MX2: variants seen among roughly 807,000 people sequenced by gnomAD.
The protein encoded by MX2 is interferon-induced GTP-binding protein Mx2.
Under a neutral mutation model 74.0 loss-of-function variants are expected in MX2, and 51 were observed. The observed-to-expected ratio is 0.69, with a 90% CI of 0.55 to 0.87. The LOEUF (loss-of-function observed/expected upper bound fraction) is 0.87. Among genes scored for constraint, MX2 ranks in the 40% least tolerant of loss-of-function variants. The probability of loss-of-function intolerance (pLI) is 0.00; values close to 1 mark genes in which losing one functional copy is unlikely to be tolerated. For synonymous variants in MX2, 369 were observed against 339.3 expected, an observed-to-expected ratio of 1.09 and a Z score of -0.96; for missense variants, 832 against 908.7, an observed-to-expected ratio of 0.92 and a Z score of 1.09.
intron 3 of MX2, among the ~76,000 whole-genome samples, chr21:41,379,023 C>T (rs2145887951): frequency 6.6e-6 from 1 of 152,346 alleles, no homozygotes; most frequent in South Asian, 2.1e-4. Flanking sequence ...CAGCCCCCTG[C>T]AACAACCGCA....
rs10222059 is a variant in MX2, at chr21:41,377,169, A to G, written c.249+14A>G. ...CCAAGGGCAATGGTAAGCCCGGTGG[A>G]GGGACGTTCAGAAAGGGTGCATTCT... is the stretch of plus-strand genomic sequence containing the variant. On this transcript the variant is annotated intron_variant, in intron 2 of 13. Coordinates refer to ENST00000330714, the MANE Select transcript of MX2 (RefSeq NM_002463.2). 30 of 1,613,006 alleles carry G rather than the reference A, an allele frequency of 1.9e-5. No individual in the cohort carries two copies. The highest frequency in any genetic ancestry group is 2.5e-5 in the Non-Finnish European group (30 of 1,179,248).
At chr21:41,383,266 G>T (rs2089523032) in intron 5 of MX2, among the ~76,000 whole-genome samples, 1 of 152,184 alleles carries the variant, frequency 6.6e-6, no homozygotes, top group South Asian at 2.1e-4. Context: ...AGGCTGAGGT[G>T]CTAGGACCAC....
Position 41,377,007 on chromosome 21 carries a change from C to A in MX2, c.101C>A (p.Pro34Gln). The change falls in exon 2 of 14, where the codon CCG becomes CAG. Residue 34 changes from proline to glutamine, a missense_variant. Physicochemically the swap from Pro to Gln is moderately conservative, Grantham distance 76. Transcript: ENST00000330714. ...KEMNSFQQQP[P>Q]PFGTVPPQMM... ...ATGAATTCCTTCCAGCAACAGCCAC[C>A]GCCATTCGGCACAGTGCCACCACAA... 6.2e-7 allele frequency: 1 copy of A among 1,614,202 alleles called. No homozygotes were observed. Among genetic ancestry groups the A allele is most frequent in the Non-Finnish European group, 8.5e-7 (1 of 1,180,040 alleles).
chr21:41,375,178 A>G (rs993157084), intron 1 of MX2, among the ~76,000 whole-genome samples: 3 of 151,814 alleles, frequency 2.0e-5, no homozygotes, highest in African/African-American at 4.8e-5. Flanking sequence ...CAAGCCCACC[A>G]CCTGTCTTTC....
intron 12 of MX2, among the ~76,000 whole-genome samples, chr21:41,405,617 A>C (rs2089874785): frequency 6.6e-6 from 1 of 151,936 alleles, no homozygotes; most frequent in African/African-American, 2.4e-5. Flanking sequence ...TCAACATGTA[A>C]ATTGGGGGGC....
Position 41,395,895 on chromosome 21 carries a change from A to T in MX2, c.1070+110A>T. ...GTATGCACAAATTACACAAGGTAGT[A>T]TAACCTAGCCTCACCTGATTTTTGT... On this transcript the variant is annotated intron_variant, in intron 7 of 13. Transcript: ENST00000330714. The T allele has an allele frequency of 2.8e-6, 3 of 1,066,092 alleles. No homozygotes were observed. The East Asian group carries it at 7.7e-5, about 27-fold the overall frequency. 66.0% of individuals were successfully genotyped at this position (1,066,092 alleles called of 1,614,324 possible). A position where few individuals can be genotyped will look rare whatever the true frequency, so the allele number is the denominator to read the frequency against.
intron 10 of MX2, chr21:41,401,674 T>C (rs949159498): frequency 6.5e-5 from 13 of 199,258 alleles, no homozygotes; most frequent in Admixed American, 4.6e-4. Context: ...CCACACCTAG[T>C]TTCTAATCAG....
At chr21:41,369,840 C>G (rs2089300230) in intron 1 of MX2, among the ~76,000 whole-genome samples, 1 of 151,706 alleles carries the variant, frequency 6.6e-6, no homozygotes, top group Admixed American at 6.6e-5. Context: ...CCCCCCGCCC[C>G]CGCCCCCGCT....
In MX2 at chr21:41,368,159, C is replaced by G. The variant is rs1021652097; in HGVS notation, c.-72+6104C>G. Among the ~76,000 whole-genome samples the G allele has an allele frequency of 1.3e-5, 2 of 152,216 alleles. No individual in the cohort carries two copies. The highest frequency in any genetic ancestry group is 4.8e-5 in the African/African-American group (2 of 41,446). On this transcript the variant is annotated intron_variant, in intron 1 of 13. Coordinates refer to ENST00000330714, the MANE Select transcript of MX2 (RefSeq NM_002463.2). This position sits in a 1 kb window ranked among gnomAD's most constrained non-coding sequence, Gnocchi z 4.6. ...GGCTCCTGAAAGCAGAGGCCTGCAC[C>G]CCTAAGCCTCTTAAGCCCCCCACTT...
At chr21:41,406,706 A>T (rs903527783) in intron 12 of MX2, 38 bp from the exon 13 acceptor site, 1 of 1,586,174 alleles carries the variant, frequency 6.3e-7, no homozygotes, top group Non-Finnish European at 8.6e-7. Flanking sequence ...AGGAAAGAAG[A>T]AAAAGAAGTA....
Position 41,376,940 on chromosome 21 carries a change from A to G in MX2, c.34A>G (p.Arg12Gly), listed in dbSNP as rs751152408. The change falls in exon 2 of 14, where the codon AGG becomes GGG. Residue 12 changes from arginine (R) to glycine (G), a missense_variant. Coordinates refer to ENST00000330714, the MANE Select transcript of MX2 (RefSeq NM_002463.2). ...GGCCCACAAGCCTTGGCCCTACCGG[A>G]GGAGAAGTCAATTTTCTTCTCGAAA... ...SKAHKPWPYR[R>G]RSQFSSRKYL... 3 of 1,613,870 alleles carry G rather than the reference A, an allele frequency of 1.9e-6. No homozygotes were observed. In the East Asian group the frequency reaches 6.7e-5, roughly 36 times the overall value.
chr21:41,390,082 TG>T, intron 5 of MX2: 1 of 154,696 alleles, frequency 6.5e-6, no homozygotes, highest in Admixed American at 6.3e-5. Context: ...TCCCTGCCTC[TG>T]GGGAACTGTG....
chr21:41,379,352 C>T (rs2089457181), intron 3 of MX2, among the ~76,000 whole-genome samples: 1 of 152,196 alleles, frequency 6.6e-6, no homozygotes, highest in African/African-American at 2.4e-5. Flanking sequence ...ACGGCAGGAG[C>T]GTGAGGGCCC....
In MX2 at chr21:41,363,607, G is replaced by C. The variant is rs530386728; in HGVS notation, c.-72+1552G>C. On this transcript the variant is annotated intron_variant, in intron 1 of 13. Coordinates refer to ENST00000330714, the MANE Select transcript of MX2 (RefSeq NM_002463.2). The surrounding 1 kb of genome is among the most constrained non-coding windows in gnomAD (Gnocchi z 4.2). ...AGATAAGGTCGCATTCAGTGCCAGTGCTTGGTCAGCCATGACCCTGCACCA... is the reference window on the plus strand; with the variant it reads ...AGATAAGGTCGCATTCAGTGCCAGTCCTTGGTCAGCCATGACCCTGCACCA... The C allele has an allele frequency of 1.3e-3, 209 of 154,946 alleles. No individual in the cohort carries two copies. Among genetic ancestry groups the C allele is most frequent in the African/African-American group, 4.8e-3 (200 of 41,656 alleles). The allele number at this position is 154,946 out of a possible 1,614,324, so 9.6% of individuals were successfully genotyped here.
intron 7 of MX2, 22 bp downstream of exon 7, chr21:41,395,807 C>G: frequency 6.2e-7 from 1 of 1,612,360 alleles, no homozygotes; most frequent in Non-Finnish European, 8.5e-7. Flanking sequence ...CAGGAAAGCT[C>G]TGGAATTAGA....
chr21:41,378,486 G>A (rs1168809815), intron 3 of MX2, among the ~76,000 whole-genome samples: 1 of 152,222 alleles, frequency 6.6e-6, no homozygotes, highest in Non-Finnish European at 1.5e-5. Flanking sequence ...GAATGTAGAA[G>A]CATTTCTTTG....
chr21:41,393,923 C>T lies in MX2; in HGVS notation c.872-1664C>T, dbSNP rs189841959. The stretch of plus-strand genomic sequence containing the variant: ...GTTCTAAAGCCAAATCAAAGAGTCC[C>T]ACTTGAGTCCTCCCTCCCCTTGCCT... On this transcript the variant is annotated intron_variant, in intron 6 of 13. Transcript: ENST00000330714. Among the ~76,000 whole-genome samples the T allele has an allele frequency of 4.4e-4, 67 of 152,322 alleles. 3 individuals are homozygous for T. The South Asian group carries it at 8.7e-3, about 20-fold the overall frequency.
Position 41,382,518 on chromosome 21 carries a change from T to C in MX2, c.686T>C (p.Ile229Thr). 1 of 1,614,216 alleles carries C rather than the reference T, an allele frequency of 6.2e-7. No individual in the cohort carries two copies. Among genetic ancestry groups the C allele is most frequent in the Non-Finnish European group, 8.5e-7 (1 of 1,180,040 alleles). Reference protein sequence around the residue: ...PDLTIIDLPGITRVAVDNQPR... With the variant: ...PDLTIIDLPGTTRVAVDNQPR... ...CTGACCATCATTGACCTTCCCGGCA[T>C]CACCAGGGTGGCTGTGGACAACCAG... is the stretch of plus-strand genomic sequence containing the variant. The change falls in exon 5 of 14, where the codon ATC becomes ACC. Residue 229 changes from isoleucine (I) to threonine (T), a missense_variant. Coordinates refer to ENST00000330714, the MANE Select transcript of MX2 (RefSeq NM_002463.2).
At chr21:41,384,571 A>C (rs980783488) in intron 5 of MX2, among the ~76,000 whole-genome samples, 3 of 152,152 alleles carry the variant, frequency 2.0e-5, no homozygotes, top group Non-Finnish European at 2.9e-5. Context: ...CACGTGCCCT[A>C]TGGGACTGGT....
Sources: allele counts gnomAD v4.1 joint callset (sites outside exome capture counted in the v4.1 genomes callset), GRCh38; gene constraint gnomAD v4.1.1; non-coding constraint Gnocchi (gnomAD v3.1); transcripts MANE v1.5; gene names NCBI Gene and HGNC (gene_info 2026-07-23, HGNC 2026-07-21).